Variants in NLRP5 observed in about 807,000 individuals in gnomAD.
The protein encoded by NLRP5 is NLR family pyrin domain containing 5.
In NLRP5, 93 loss-of-function variants were observed where a neutral mutation model predicts 113.1. The ratio of observed to expected loss-of-function variants is 0.82; its 90% CI spans 0.70 to 0.98. The LOEUF (loss-of-function observed/expected upper bound fraction) is 0.98. NLRP5 is among the 50% of genes least tolerant of loss of function. The pLI is 0.00. For synonymous variants in NLRP5, 751 were observed against 600.7 expected (o/e 1.25, Z -3.66); for missense variants, 1,808 against 1,514.3 (o/e 1.19, Z -3.22).
intron 9 of NLRP5, among the ~76,000 whole-genome samples, chr19:56,035,765 A>G (rs1490025496): frequency 6.6e-6 from 1 of 152,112 alleles, no homozygotes; most frequent in Non-Finnish European, 1.5e-5. Flanking sequence ...GTATTCCCCA[A>G]AGTACTTATT....
chr19:56,056,877 C>T (rs57095184), intron 13 of NLRP5, among the ~76,000 whole-genome samples: 41,548 of 152,034 alleles, frequency 0.27, 5,932 homozygotes, highest in East Asian at 0.46. Context: ...CGGTGGTGCA[C>T]GCCTGTAATC....
chr19:56,055,591 G>T (rs1337373275), intron 13 of NLRP5, among the ~76,000 whole-genome samples: 18 of 121,988 alleles, frequency 1.5e-4, no homozygotes, highest in Non-Finnish European at 1.6e-4. Context: ...TGTCCCCCAG[G>T]CTGGAGTGCA....
chr19:56,023,231 C>A (rs1372171669), intron 6 of NLRP5, among the ~76,000 whole-genome samples: 1 of 152,220 alleles, frequency 6.6e-6, no homozygotes, highest in Non-Finnish European at 1.5e-5. Flanking sequence ...TGAATGCAGA[C>A]TGGCTTCCTG....
upstream of NLRP5, among the ~76,000 whole-genome samples, chr19:55,999,507 CAT>C (rs2123260470): frequency 6.6e-6 from 1 of 152,206 alleles, no homozygotes; most frequent in Non-Finnish European, 1.5e-5. Flanking sequence ...TGTACCGTGA[CAT>C]ACTCTTCTGC....
At chr19:56,010,901 C>T (rs534944516) in intron 3 of NLRP5, among the ~76,000 whole-genome samples, 1 of 151,820 alleles carries the variant, frequency 6.6e-6, no homozygotes, top group African/African-American at 2.4e-5. Flanking sequence ...CCTGTAATCC[C>T]AGCACTTTGG....
At chr19:56,008,877 A>G in intron 3 of NLRP5, 24 bp downstream of exon 3, 1 of 1,604,650 alleles carries the variant, frequency 6.2e-7, no homozygotes, top group Non-Finnish European at 8.5e-7. Context: ...AGTTGGGGGA[A>G]ATAGGATGTG....
At chr19:56,006,190 C>G (rs1372042295) in intron 2 of NLRP5, among the ~76,000 whole-genome samples, 1 of 152,100 alleles carries the variant, frequency 6.6e-6, no homozygotes, top group African/African-American at 2.4e-5. Flanking sequence ...AAACCAAACA[C>G]CGCATGTTGT....
chr19:56,006,356 A>C (rs1981911499), intron 2 of NLRP5, among the ~76,000 whole-genome samples: 1 of 152,182 alleles, frequency 6.6e-6, no homozygotes, highest in Admixed American at 6.6e-5. Context: ...GCACACCAAC[A>C]TAGCACATGT....
intron 3 of NLRP5, among the ~76,000 whole-genome samples, chr19:56,010,013 C>G (rs1393216692): frequency 2.0e-5 from 3 of 152,152 alleles, no homozygotes; most frequent in African/African-American, 7.2e-5. Flanking sequence ...TTATAAGTTA[C>G]CAAATGGTGG....
chr19:56,013,608 T>TTTTTTTTGTTTTTTTTTG (rs1982295008), intron 3 of NLRP5, among the ~76,000 whole-genome samples: 1 of 139,286 alleles, frequency 7.2e-6, no homozygotes, highest in Non-Finnish European at 1.5e-5. Context: ...TTTTTTTTTT[T>TTTTTTTTGTTTTTTTTTG]TTTTTTTTTG....
intron 2 of NLRP5, among the ~76,000 whole-genome samples, chr19:56,006,405 C>A (rs1981914023): frequency 6.7e-6 from 1 of 149,486 alleles, no homozygotes; most frequent in Non-Finnish European, 1.5e-5. Flanking sequence ...GCACATGTAC[C>A]CTAGAACTTA....
chr19:56,051,161 T>G (rs1361085940), intron 12 of NLRP5, among the ~76,000 whole-genome samples: 1 of 152,088 alleles, frequency 6.6e-6, no homozygotes, highest in Non-Finnish European at 1.5e-5. Context: ...AGTCAGCACT[T>G]AATGCAACTT....
intron 9 of NLRP5, among the ~76,000 whole-genome samples, chr19:56,036,821 A>G (rs113200199): frequency 0.021 from 3,234 of 152,146 alleles, 122 homozygotes; most frequent in African/African-American, 0.074. Context: ...GTCGGGCATG[A>G]TGGCATGCAC....
chr19:56,048,014 T>C (rs1983790928), intron 11 of NLRP5, among the ~76,000 whole-genome samples: 1 of 152,248 alleles, frequency 6.6e-6, no homozygotes, highest in African/African-American at 2.4e-5. Context: ...CTTTAACGTT[T>C]GTTTCATCTG....
At chr19:56,005,642 A>ACG (rs147680527) in intron 2 of NLRP5, among the ~76,000 whole-genome samples, 7,110 of 140,410 alleles carry the variant, frequency 0.051, 265 homozygotes, top group African/African-American at 0.077. Context: ...ACACACACAC[A>ACG]CGCGCGCAGG....
At position 56,008,788 on chromosome 19, in the gene NLRP5, G is replaced by C; in HGVS notation, c.443G>C (p.Arg148Thr). 6.2e-7 allele frequency: 1 copy of C among 1,608,622 alleles called. No homozygotes were observed. The highest frequency in any genetic ancestry group is 8.5e-7 in the Non-Finnish European group (1 of 1,177,460). ...GTCTCCCTTTTTCTTTGTCTTCCAG[G>C]ACATTCACCAGAAGATCCTGAAGCA... Residue 148 changes from arginine to threonine, a missense_variant and splice_region_variant, in exon 3 of 15, where the codon AGA (arginine) becomes ACA (threonine). By Grantham distance (71) the Arg-to-Thr change is moderately conservative (BLOSUM62 -1). Coordinates refer to ENST00000390649, the MANE Select transcript of NLRP5 (RefSeq NM_153447.4).
At chr19:56,055,663 A>T (rs1984114355) in intron 13 of NLRP5, among the ~76,000 whole-genome samples, 1 of 147,422 alleles carries the variant, frequency 6.8e-6, no homozygotes, top group Non-Finnish European at 1.5e-5. Context: ...CTCCTGCCTC[A>T]GCCTCCCAAG....
At position 56,027,268 on chromosome 19, in the gene NLRP5, T is replaced by C. The variant is rs373696252; in HGVS notation, c.1035T>C (p.Ala345=). ...CCAGGGAGTGGCCAGACTCCCAGGC[T>C]CCGGTGACGGAGATCATGTCCCGAC... Residue 345 remains alanine (A), a synonymous_variant, in exon 7 of 15, where the codon GCT becomes GCC. Transcript: ENST00000390649. 166 of 1,612,196 alleles carry C rather than the reference T, an allele frequency of 1.0e-4. No individual in the cohort carries two copies. The highest frequency in any genetic ancestry group is 2.3e-4 in the Admixed American group (14 of 59,972).
chr19:55,992,204 C>CT, the NLRP5 span, among the ~76,000 whole-genome samples: 3 of 152,150 alleles, frequency 2.0e-5, no homozygotes, highest in East Asian at 5.8e-4. Flanking sequence ...TGATCTCATT[C>CT]TTTTTTATGG....
Sources: gnomAD v4.1 joint callset for allele counts (sites outside exome capture counted in the v4.1 genomes callset) on GRCh38, gnomAD v4.1.1 for gene constraint, MANE v1.5 for transcripts, NCBI Gene and HGNC (gene_info 2026-07-23, HGNC 2026-07-21) for gene names.